Variants in CADM1 observed in about 807,000 individuals in gnomAD.
The protein encoded by CADM1 is TSLC-1.
Under a neutral mutation model 53.1 loss-of-function variants are expected in CADM1, and 15 were observed. The ratio of observed to expected loss-of-function variants is 0.28; its 90% CI spans 0.19 to 0.44. The LOEUF is 0.44. CADM1 is among the 20% of genes least tolerant of loss of function. The pLI is 1.00. For synonymous variants in CADM1, 281 were observed against 243.0 expected, an observed-to-expected ratio of 1.16 and a Z score of -1.45; for missense variants, 434 against 611.3, an observed-to-expected ratio of 0.71 and a Z score of 3.06.
At chr11:115,430,041 C>CA (rs35153632) in intron 1 of CADM1, among the ~76,000 whole-genome samples, 173 of 149,940 alleles carry the variant, frequency 1.2e-3, no homozygotes, top group Non-Finnish European at 1.6e-3. Context: ...AATTAAATGT[C>CA]AAAAAAAAAA....
chr11:115,295,506 TTATATATATATATA>T lies in CADM1; in HGVS notation c.125-55100_125-55087del, dbSNP rs71066412. On this transcript the variant is annotated intron_variant, in intron 1 of 11. Transcript: ENST00000331581. ...TACTATATGCTTTGATCAAGATATT[TTATATATATATATA>T]TATATATATATATATATATATATAT... Among the ~76,000 whole-genome samples, 232 of 55,036 alleles carry T rather than the reference TTATATATATATATA, an allele frequency of 4.2e-3. 2 individuals are homozygous for T. Among genetic ancestry groups the T allele is most frequent in the South Asian group, 8.8e-3 (15 of 1,710 alleles). The allele number at this position is 55,036 out of a possible 152,430, so 36.1% of individuals were successfully genotyped here. A position where few individuals can be genotyped will look rare whatever the true frequency, so the allele number is the denominator to read the frequency against.
At chr11:115,228,798 A>G (rs1053355549) in intron 5 of CADM1, among the ~76,000 whole-genome samples, 10 of 152,154 alleles carry the variant, frequency 6.6e-5, no homozygotes, top group Non-Finnish European at 1.3e-4. Flanking sequence ...AAAAAGGGGG[A>G]AAATTACCCT....
At chr11:115,449,696 C>T (rs113529210) in intron 1 of CADM1, among the ~76,000 whole-genome samples, 139 of 152,256 alleles carry the variant, frequency 9.1e-4, no homozygotes, top group African/African-American at 3.0e-3. Context: ...CCCGACAATG[C>T]CACCGAAAAT....
chr11:115,241,262 TAGG>T (rs1565319230), intron 1 of CADM1, among the ~76,000 whole-genome samples: 1 of 152,130 alleles, frequency 6.6e-6, no homozygotes, highest in African/African-American at 2.4e-5. Context: ...ACCGTACAGG[TAGG>T]AGGAGAAGTG....
chr11:115,205,027 T>C (rs1399699619), intron 8 of CADM1, among the ~76,000 whole-genome samples: 1 of 152,212 alleles, frequency 6.6e-6, no homozygotes, highest in East Asian at 1.9e-4. Flanking sequence ...TATGAAAGGA[T>C]TTTTTAATGT....
rs1565276043 is a variant in CADM1, at chr11:115,174,276, T to TGG, written c.*2197_*2198insCC. On this transcript the variant is annotated 3_prime_UTR_variant, in exon 12 of 12. Transcript: ENST00000331581. ...GTGAGCAATGGTGTGATTTTTTTTT[T>TGG]TTGTTTTTGTTTTTGTTTTTCTTTT... 1 of 964,094 alleles carries TGG rather than the reference T, an allele frequency of 1.0e-6. No homozygotes were observed. Among genetic ancestry groups the TGG allele is most frequent in the African/African-American group, 1.8e-5 (1 of 54,680 alleles). 59.7% of individuals were successfully genotyped at this position (964,094 alleles called of 1,614,324 possible). A position where few individuals can be genotyped will look rare whatever the true frequency, so the allele number is the denominator to read the frequency against.
chr11:115,489,638 C>A (rs1184654403), intron 1 of CADM1, among the ~76,000 whole-genome samples: 1 of 152,100 alleles, frequency 6.6e-6, no homozygotes, highest in African/African-American at 2.4e-5. Context: ...TAGGACATGT[C>A]TATTGGTGGA....
chr11:115,400,665 A>G (rs1396114379), intron 1 of CADM1, among the ~76,000 whole-genome samples: 459 of 12,694 alleles, frequency 0.036, 2 homozygotes, highest in African/African-American at 0.093. Flanking sequence ...GTGTGTGTAT[A>G]TATATATATA....
At chr11:115,457,962 C>A (rs1379726266) in intron 1 of CADM1, among the ~76,000 whole-genome samples, 1 of 152,084 alleles carries the variant, frequency 6.6e-6, no homozygotes, top group Non-Finnish European at 1.5e-5. Flanking sequence ...TGTGAAGAAT[C>A]CATTCCAGCA....
chr11:115,471,493 G>C (rs542940089), intron 1 of CADM1, among the ~76,000 whole-genome samples: 7 of 152,318 alleles, frequency 4.6e-5, no homozygotes, highest in Middle Eastern at 6.8e-3. Flanking sequence ...GCTGAAGAGA[G>C]GTAGGGCTAC....
chr11:115,271,236 T>C (rs1393306409), intron 1 of CADM1, among the ~76,000 whole-genome samples: 1 of 152,122 alleles, frequency 6.6e-6, no homozygotes, highest in Non-Finnish European at 1.5e-5. Flanking sequence ...GCCAAATACT[T>C]AAATTGAAGC....
intron 1 of CADM1, among the ~76,000 whole-genome samples, chr11:115,435,919 A>G (rs1169304072): frequency 6.6e-6 from 1 of 152,156 alleles, no homozygotes; most frequent in Non-Finnish European, 1.5e-5. Flanking sequence ...GCCTAGATCA[A>G]TGTTTTTTGG....
At chr11:115,378,675 A>C (rs764597834) in intron 1 of CADM1, among the ~76,000 whole-genome samples, 1 of 152,190 alleles carries the variant, frequency 6.6e-6, no homozygotes, top group African/African-American at 2.4e-5. Flanking sequence ...ATTCTTAAGA[A>C]TATATCACAA....
Position 115,209,501 on chromosome 11 carries a change from C to T in CADM1, c.1078+73G>A, listed in dbSNP as rs79851805. The T allele has an allele frequency of 4.3e-4, 689 of 1,598,978 alleles. 2 individuals carry two copies. The African/African-American group carries it at 7.1e-3, about 17-fold the overall frequency. ...TTCCAAGGATTTAAAGGGAACTTTTCGGCTTCTTTTTATACATACCAGAAA... is the reference window on the plus strand; with the variant it reads ...TTCCAAGGATTTAAAGGGAACTTTTTGGCTTCTTTTTATACATACCAGAAA... On this transcript the variant is annotated intron_variant, in intron 8 of 11. Transcript: ENST00000331581.
chr11:115,472,150 ATGG>A (rs1226404581), intron 1 of CADM1, among the ~76,000 whole-genome samples: 6 of 152,198 alleles, frequency 3.9e-5, no homozygotes, highest in Non-Finnish European at 8.8e-5. Flanking sequence ...GAAACTGAGA[ATGG>A]TTGCTTATTT....
chr11:115,378,183 G>T (rs1946486066), intron 1 of CADM1, among the ~76,000 whole-genome samples: 1 of 152,104 alleles, frequency 6.6e-6, no homozygotes, highest in Admixed American at 6.6e-5. Context: ...ATCAATTTAT[G>T]GACTCTGCTA....
intron 1 of CADM1, among the ~76,000 whole-genome samples, chr11:115,477,131 A>G (rs896810987): frequency 6.6e-6 from 1 of 152,158 alleles, no homozygotes; most frequent in African/African-American, 2.4e-5. Context: ...TGGACAGGAT[A>G]TAGTGGATAG....
intron 1 of CADM1, among the ~76,000 whole-genome samples, chr11:115,247,124 A>C (rs1199595084): frequency 6.6e-6 from 1 of 152,248 alleles, no homozygotes; most frequent in African/African-American, 2.4e-5. Flanking sequence ...TTTGATTAGC[A>C]TTGAATTCCA....
intron 1 of CADM1, among the ~76,000 whole-genome samples, chr11:115,381,550 A>G (rs1430252094): frequency 6.6e-6 from 1 of 152,190 alleles, no homozygotes; most frequent in Non-Finnish European, 1.5e-5. Context: ...TTTTTACTGA[A>G]CTATTTGACC....
Sources: allele counts gnomAD v4.1 joint callset (sites outside exome capture counted in the v4.1 genomes callset), GRCh38; gene constraint gnomAD v4.1.1; transcripts MANE v1.5; gene names NCBI Gene and HGNC (gene_info 2026-07-23, HGNC 2026-07-21).